SLC71A1: variants seen among roughly 807,000 people sequenced by gnomAD.
SLC71A1 encodes the protein solute carrier family 71 member 1, also known as hippocampus abundant gene transcript 1.
chr1:100,053,801 C>T, the SLC71A1 span, among the ~76,000 whole-genome samples: 1 of 152,100 alleles, frequency 6.6e-6, no homozygotes, highest in Non-Finnish European at 1.5e-5. Context: ...GATGGTGAGC[C>T]TCTACCAACA....
At chr1:100,046,901 C>G in the SLC71A1 span, among the ~76,000 whole-genome samples, 1 of 152,108 alleles carries the variant, frequency 6.6e-6, no homozygotes, top group Non-Finnish European at 1.5e-5. Context: ...AGAAATGGTA[C>G]TGATTTTTGT....
chr1:100,057,933 T>C, the SLC71A1 span: 1 of 152,240 alleles, frequency 6.6e-6, no homozygotes, highest in South Asian at 2.1e-4. Context: ...AGTTGCCTCA[T>C]ATGTAAAGTG....
the SLC71A1 span, chr1:100,083,230 A>ATAGTT: frequency 1.3e-5 from 2 of 152,572 alleles, no homozygotes; most frequent in South Asian, 2.1e-4. Flanking sequence ...AAAGAACTGT[A>ATAGTT]TAGTTTACAC....
the SLC71A1 span, among the ~76,000 whole-genome samples, chr1:100,076,787 T>C: frequency 6.6e-6 from 1 of 152,214 alleles, no homozygotes; most frequent in Admixed American, 6.5e-5. Flanking sequence ...TTTTCTTTAG[T>C]TGTGGAAATA....
chr1:100,057,500 G>T, the SLC71A1 span, among the ~76,000 whole-genome samples: 4 of 151,754 alleles, frequency 2.6e-5, no homozygotes, highest in Admixed American at 2.0e-4. Flanking sequence ...GATTGCAGGC[G>T]CCTGCCACCA....
At chr1:100,038,569 C>T in the SLC71A1 span, among the ~76,000 whole-genome samples, 444 of 152,310 alleles carry the variant, frequency 2.9e-3, 3 homozygotes, top group African/African-American at 0.01. Flanking sequence ...CTGGCCGCCT[C>T]TGCAGGCCCT....
At chr1:100,063,791 T>C in the SLC71A1 span, among the ~76,000 whole-genome samples, 2 of 151,962 alleles carry the variant, frequency 1.3e-5, no homozygotes, top group Admixed American at 1.3e-4. Context: ...GCGAGACCTG[T>C]CTCCAAAAAA....
the SLC71A1 span, among the ~76,000 whole-genome samples, chr1:100,039,934 C>T: frequency 6.6e-6 from 1 of 152,184 alleles, no homozygotes; most frequent in Non-Finnish European, 1.5e-5. Context: ...TGGAAAAGAT[C>T]GTTTTTAAAC....
the SLC71A1 span, among the ~76,000 whole-genome samples, chr1:100,073,186 G>A: frequency 1.1e-4 from 16 of 152,168 alleles, no homozygotes; most frequent in African/African-American, 2.9e-4. Flanking sequence ...GAATCAGAGC[G>A]TTTCTGATAT....
the SLC71A1 span, chr1:100,082,300 T>C: frequency 1.0e-6 from 1 of 973,072 alleles, no homozygotes; most frequent in East Asian, 2.6e-5. Flanking sequence ...ATCCACAGTG[T>C]ACTTTAAGAT....
chr1:100,080,638 C>T, the SLC71A1 span: 1 of 1,613,898 alleles, frequency 6.2e-7, no homozygotes, highest in Non-Finnish European at 8.5e-7. Context: ...CAAACACAAG[C>T]CCTCAGCACC....
the SLC71A1 span, among the ~76,000 whole-genome samples, chr1:100,062,909 C>G: frequency 9.7e-6 from 1 of 103,202 alleles, no homozygotes; most frequent in Non-Finnish European, 1.9e-5. Context: ...AACCTTGTCT[C>G]TATTTAAAAA....
the SLC71A1 span, chr1:100,062,143 A>G: frequency 2.1e-5 from 10 of 467,526 alleles, no homozygotes; most frequent in Admixed American, 8.2e-5. Context: ...GATTCTTTTC[A>G]TTTAGTAGAT....
At chr1:100,054,823 A>G in the SLC71A1 span, among the ~76,000 whole-genome samples, 1 of 152,198 alleles carries the variant, frequency 6.6e-6, no homozygotes. Context: ...AATCTTTACA[A>G]CATTCGAATT....
chr1:100,079,114 A>G, the SLC71A1 span: 1 of 152,282 alleles, frequency 6.6e-6, no homozygotes, highest in South Asian at 2.1e-4. Context: ...ACAGAATATT[A>G]ACTAAGCATT....
chr1:100,075,852 A>G, the SLC71A1 span, among the ~76,000 whole-genome samples: 116 of 152,094 alleles, frequency 7.6e-4, no homozygotes, highest in African/African-American at 2.8e-3. Context: ...TAATTTTTCA[A>G]TTTTTTGTAG....
chr1:100,069,727 G>A, the SLC71A1 span: 1 of 1,319,234 alleles, frequency 7.6e-7, no homozygotes, highest in Non-Finnish European at 1.1e-6. Flanking sequence ...AGTGACCCTG[G>A]CTGGCCATCC....
At chr1:100,049,817 T>C in the SLC71A1 span, 1 of 663,228 alleles carries the variant, frequency 1.5e-6, no homozygotes, top group Non-Finnish European at 2.6e-6. Context: ...GATCTTAATA[T>C]TTGTTGACTA....
chr1:100,073,280 A>G, the SLC71A1 span, among the ~76,000 whole-genome samples: 2 of 152,204 alleles, frequency 1.3e-5, no homozygotes, highest in Admixed American at 6.5e-5. Context: ...ACTATAGTTC[A>G]TTCTGCACTT....
Sources: gnomAD v4.1 joint callset for allele counts (sites outside exome capture counted in the v4.1 genomes callset) on GRCh38, gnomAD v4.1.1 for gene constraint, MANE v1.5 for transcripts, NCBI Gene and HGNC (gene_info 2026-07-23, HGNC 2026-07-21) for gene names.